The following PDE3B variants were observed in gnomAD, a reference collection of about 807,000 sequenced individuals.
PDE3B encodes the protein phosphodiesterase 3B.
Under a neutral mutation model 116.8 loss-of-function variants are expected in PDE3B, and 66 were observed. The observed-to-expected ratio is 0.56, with a 90% CI of 0.46 to 0.69. The LOEUF is 0.69. PDE3B is among the 30% of genes least tolerant of loss of function. The probability of loss-of-function intolerance (pLI) is 0.00; values close to 1 mark genes in which losing one functional copy is unlikely to be tolerated. For missense variants in PDE3B, 1,384 were observed against 1,368.1 expected, an observed-to-expected ratio of 1.01 and a Z score of -0.18; for synonymous variants, 595 against 533.6, an observed-to-expected ratio of 1.12 and a Z score of -1.59.
chr11:14,655,731 TTATA>T (rs1003440336), intron 1 of PDE3B, among the ~76,000 whole-genome samples: 1 of 152,132 alleles, frequency 6.6e-6, no homozygotes, highest in Non-Finnish European at 1.5e-5. Context: ...GAAGGACATA[TTATA>T]TAAGACTTGA....
At chr11:14,892,130 C>T in the PDE3B span, 1 of 1,611,616 alleles carries the variant, frequency 6.2e-7, no homozygotes, top group Middle Eastern at 1.8e-4. Context: ...TGGCGGACCC[C>T]TAGCGCGAAG....
intron 12 of PDE3B, among the ~76,000 whole-genome samples, chr11:14,850,099 CAAT>C (rs1847710515): frequency 6.6e-6 from 1 of 152,058 alleles, no homozygotes; most frequent in Admixed American, 6.6e-5. Context: ...AAATGTCCAA[CAAT>C]GATAGACTGG....
intron 12 of PDE3B, among the ~76,000 whole-genome samples, chr11:14,854,670 C>G (rs1555005888): frequency 2.0e-5 from 3 of 152,152 alleles, no homozygotes; most frequent in Admixed American, 2.0e-4. Flanking sequence ...GGGCATGCCA[C>G]CACGCCCAGC....
At chr11:14,847,083 G>C (rs1454223433) in intron 12 of PDE3B, among the ~76,000 whole-genome samples, 1 of 152,084 alleles carries the variant, frequency 6.6e-6, no homozygotes, top group Non-Finnish European at 1.5e-5. Context: ...TGACCATATA[G>C]TTGGAAGTAA....
the PDE3B span, chr11:14,891,890 C>T: frequency 6.7e-7 from 1 of 1,497,900 alleles, no homozygotes; most frequent in Non-Finnish European, 9.0e-7. Flanking sequence ...ACTAGTCGGC[C>T]CAGGGGCGGC....
intron 1 of PDE3B, among the ~76,000 whole-genome samples, chr11:14,683,019 C>A (rs1235656312): frequency 2.0e-5 from 3 of 151,558 alleles, no homozygotes; most frequent in African/African-American, 7.3e-5. Context: ...CTCACCACAA[C>A]CTCCGCCTCC....
At chr11:14,820,969 A>T (rs1859499727) in intron 7 of PDE3B, among the ~76,000 whole-genome samples, 1 of 152,236 alleles carries the variant, frequency 6.6e-6, no homozygotes, top group South Asian at 2.1e-4. Flanking sequence ...TTTATACTCA[A>T]TAAAGTTTTT....
At chr11:14,655,256 TA>T (rs1292966144) in intron 1 of PDE3B, among the ~76,000 whole-genome samples, 2 of 152,112 alleles carry the variant, frequency 1.3e-5, no homozygotes, top group African/African-American at 2.4e-5. Flanking sequence ...TATGTAATTA[TA>T]AAAGACTGAA....
intron 12 of PDE3B, among the ~76,000 whole-genome samples, chr11:14,853,165 T>G (rs1477770404): frequency 3.3e-5 from 5 of 152,136 alleles, no homozygotes; most frequent in Non-Finnish European, 7.4e-5. Context: ...GTCACCTCCT[T>G]CCATCTAAAA....
chr11:14,880,746 G>A, the PDE3B span: 12 of 1,607,732 alleles, frequency 7.5e-6, no homozygotes, highest in Non-Finnish European at 1.0e-5. Flanking sequence ...CCCATCCTCG[G>A]CCATATCTGG....
intron 12 of PDE3B, among the ~76,000 whole-genome samples, chr11:14,851,412 GGA>G (rs149572276): frequency 0.016 from 2,397 of 151,548 alleles, 57 homozygotes; most frequent in African/African-American, 0.055. Context: ...TTTAAAAATA[GGA>G]GATATATTCT....
chr11:14,807,042 GT>G (rs1858955706), intron 5 of PDE3B, among the ~76,000 whole-genome samples: 1 of 152,040 alleles, frequency 6.6e-6, no homozygotes, highest in Non-Finnish European at 1.5e-5. Flanking sequence ...TCACTCATAA[GT>G]GGGAGTTGAA....
At chr11:14,828,227 A>G (rs2133959603) in intron 7 of PDE3B, among the ~76,000 whole-genome samples, 1 of 152,352 alleles carries the variant, frequency 6.6e-6, no homozygotes, top group East Asian at 1.9e-4. Context: ...CTGGAAGACA[A>G]CTGAGTCAAT....
At chr11:14,830,409 T>C (rs539317057) in intron 7 of PDE3B, among the ~76,000 whole-genome samples, 7 of 152,196 alleles carry the variant, frequency 4.6e-5, no homozygotes, top group African/African-American at 1.7e-4. Context: ...AAAATTTCTA[T>C]TGATAGGAAC....
intron 1 of PDE3B, among the ~76,000 whole-genome samples, chr11:14,770,025 A>G (rs974512972): frequency 6.6e-6 from 1 of 151,536 alleles, no homozygotes; most frequent in East Asian, 1.9e-4. Context: ...CCAGAAATCA[A>G]CTTCTACTTA....
intron 1 of PDE3B, among the ~76,000 whole-genome samples, chr11:14,667,115 G>T (rs1439172097): frequency 9.9e-5 from 15 of 151,742 alleles, no homozygotes; most frequent in South Asian, 2.1e-4. Flanking sequence ...TAAAAAATGA[G>T]GAGTTCATGT....
intron 3 of PDE3B, among the ~76,000 whole-genome samples, chr11:14,788,228 C>T (rs1858270765): frequency 6.6e-6 from 1 of 151,628 alleles, no homozygotes; most frequent in African/African-American, 2.4e-5. Context: ...CAGAAAAGGG[C>T]AAAGGCATTT....
At chr11:14,819,712 G>A in intron 7 of PDE3B, among the ~76,000 whole-genome samples, 1 of 152,204 alleles carries the variant, frequency 6.6e-6, no homozygotes, top group East Asian at 1.9e-4. Flanking sequence ...CATTTCCCCT[G>A]AGGGCAGCTA....
Position 14,815,903 on chromosome 11 carries a change from A to G in PDE3B, c.1523-2280A>G, listed in dbSNP as rs1277955893. On this transcript the variant is annotated intron_variant, in intron 5 of 15. Coordinates refer to ENST00000282096, the MANE Select transcript of PDE3B (RefSeq NM_000922.4). ...AAGGTACGGTGCTCTTTTATTTATC[A>G]TCAGATTGGCAAAAGATAAAGAACA... Among the ~76,000 whole-genome samples, 3 of 152,160 alleles carry G rather than the reference A, an allele frequency of 2.0e-5. 1 individual carries two copies. In the Middle Eastern group the frequency reaches 0.01, roughly 518 times the overall value.
Sources: gnomAD v4.1 joint callset for allele counts (sites outside exome capture counted in the v4.1 genomes callset) on GRCh38, gnomAD v4.1.1 for gene constraint, MANE v1.5 for transcripts, NCBI Gene and HGNC (gene_info 2026-07-23, HGNC 2026-07-21) for gene names.